CATSPERT: variants seen among roughly 807,000 people sequenced by gnomAD.
The protein encoded by CATSPERT is catsper channel auxiliary subunit tau, also known as cation channel sperm-associated targeting subunit tau.
At chr2:201,595,555 G>T in the CATSPERT span, among the ~76,000 whole-genome samples, 1 of 152,126 alleles carries the variant, frequency 6.6e-6, no homozygotes, top group East Asian at 1.9e-4. Flanking sequence ...GCCGTGTGAG[G>T]TGTCAGTCTG....
At chr2:201,521,457 G>GAC in the CATSPERT span, among the ~76,000 whole-genome samples, 529 of 150,850 alleles carry the variant, frequency 3.5e-3, 6 homozygotes, top group Admixed American at 5.6e-3. Context: ...GAGAGAAAGA[G>GAC]ACACACAGAG....
At chr2:201,579,650 A>G in the CATSPERT span, among the ~76,000 whole-genome samples, 2 of 151,478 alleles carry the variant, frequency 1.3e-5, no homozygotes, top group South Asian at 2.1e-4. Context: ...CTTTAAATCT[A>G]GAATAGTTCC....
the CATSPERT span, chr2:201,581,949 G>T: frequency 2.0e-6 from 2 of 990,532 alleles, no homozygotes; most frequent in Non-Finnish European, 2.9e-6. Flanking sequence ...AAAATATATA[G>T]CCAAAAGGAG....
At chr2:201,551,089 A>G in the CATSPERT span, 4 of 152,222 alleles carry the variant, frequency 2.6e-5, no homozygotes, top group Non-Finnish European at 5.9e-5. Flanking sequence ...ACGTCCACCT[A>G]TATGTGGATT....
At chr2:201,582,274 A>T in the CATSPERT span, 2 of 1,479,272 alleles carry the variant, frequency 1.4e-6, no homozygotes, top group Non-Finnish European at 1.8e-6. Context: ...AATATTTCTG[A>T]ACACATACAT....
chr2:201,556,247 C>T, the CATSPERT span, among the ~76,000 whole-genome samples: 4 of 152,146 alleles, frequency 2.6e-5, no homozygotes, highest in Non-Finnish European at 4.4e-5. Flanking sequence ...CAGTGGCTTA[C>T]GCCTGTAATC....
At chr2:201,530,231 TC>T in the CATSPERT span, among the ~76,000 whole-genome samples, 1 of 152,132 alleles carries the variant, frequency 6.6e-6, no homozygotes, top group East Asian at 1.9e-4. Flanking sequence ...TACCATATGG[TC>T]CAGCAATCCT....
chr2:201,610,457 C>A, the CATSPERT span, among the ~76,000 whole-genome samples: 12 of 134,116 alleles, frequency 8.9e-5, no homozygotes, highest in African/African-American at 2.4e-4. Flanking sequence ...GACTCCGTCT[C>A]AAAAAAAAAA....
At chr2:201,523,730 C>T in the CATSPERT span, among the ~76,000 whole-genome samples, 1 of 152,102 alleles carries the variant, frequency 6.6e-6, no homozygotes, top group South Asian at 2.1e-4. Context: ...AAACCCAATT[C>T]AAGGAATCTA....
At chr2:201,536,883 G>A in the CATSPERT span, among the ~76,000 whole-genome samples, 3 of 151,838 alleles carry the variant, frequency 2.0e-5, no homozygotes, top group Non-Finnish European at 4.4e-5. Context: ...GTATTTGGGA[G>A]CCACTGACCC....
At chr2:201,580,166 C>T in the CATSPERT span, among the ~76,000 whole-genome samples, 6 of 152,106 alleles carry the variant, frequency 3.9e-5, no homozygotes, top group East Asian at 3.8e-4. Context: ...TTTTTGATGA[C>T]GATAAGTCAT....
At chr2:201,554,684 CT>C in the CATSPERT span, 81 of 152,240 alleles carry the variant, frequency 5.3e-4, no homozygotes, top group African/African-American at 1.6e-3. Context: ...CAATATTAAT[CT>C]TTCTACATTT....
the CATSPERT span, among the ~76,000 whole-genome samples, chr2:201,556,663 C>T: frequency 6.6e-6 from 1 of 151,792 alleles, no homozygotes; most frequent in African/African-American, 2.4e-5. Flanking sequence ...CCTGTCTCTA[C>T]TAAAAATACA....
At chr2:201,511,845 TAAAAAAAAAAAAAAA>T in the CATSPERT span, 3 of 86,672 alleles carry the variant, frequency 3.5e-5, no homozygotes, top group African/African-American at 1.4e-4. Flanking sequence ...CTTGGCTCAT[TAAAAAAAAAAAAAAA>T]AAAAAAAAAA....
chr2:201,541,826 CCTCAGGTGAT>C, the CATSPERT span, among the ~76,000 whole-genome samples: 3 of 151,938 alleles, frequency 2.0e-5, no homozygotes, highest in Non-Finnish European at 4.4e-5. Context: ...GAACTCCTGA[CCTCAGGTGAT>C]CTGCCTGCCT....
At chr2:201,511,239 G>C in the CATSPERT span, among the ~76,000 whole-genome samples, 4 of 152,038 alleles carry the variant, frequency 2.6e-5, no homozygotes, top group South Asian at 8.3e-4. Context: ...AAATAAATAC[G>C]CTTGTACCCT....
the CATSPERT span, among the ~76,000 whole-genome samples, chr2:201,602,174 T>C: frequency 6.6e-6 from 1 of 152,096 alleles, no homozygotes; most frequent in Admixed American, 6.6e-5. Flanking sequence ...ACTAAGTATA[T>C]GCAATATATA....
the CATSPERT span, chr2:201,491,659 C>T: frequency 2.6e-6 from 4 of 1,536,888 alleles, no homozygotes; most frequent in South Asian, 2.4e-5. Context: ...CTCATCTTCC[C>T]TTGGCATTCT....
chr2:201,581,548 G>GTGTATA, the CATSPERT span, among the ~76,000 whole-genome samples: 13 of 9,652 alleles, frequency 1.3e-3, no homozygotes, highest in African/African-American at 4.0e-3. Context: ...AAAAATGTGT[G>GTGTATA]TATATATATA....
Sources: gnomAD v4.1 joint callset for allele counts (sites outside exome capture counted in the v4.1 genomes callset) on GRCh38, gnomAD v4.1.1 for gene constraint, MANE v1.5 for transcripts, NCBI Gene and HGNC (gene_info 2026-07-23, HGNC 2026-07-21) for gene names.